Variants in CNTN6 observed in about 807,000 individuals in gnomAD.
CNTN6 encodes contactin 6, also known as contactin-6.
CNTN6 carries 137 observed loss-of-function variants against 122.8 expected under a neutral mutation model. That is an observed-to-expected ratio of 1.12 (90% CI 0.97 to 1.29). CNTN6 has a LOEUF of 1.29. CNTN6 is among the 50% of genes most tolerant of loss of function. The pLI is 0.00. For missense variants in CNTN6, 1,634 were observed against 1,223.4 expected, an observed-to-expected ratio of 1.34 and a Z score of -5.01; for synonymous variants, 570 against 426.0, an observed-to-expected ratio of 1.34 and a Z score of -4.16.
chr3:1,313,959 CT>C (rs1699754350), intron 7 of CNTN6, among the ~76,000 whole-genome samples: 1 of 152,006 alleles, frequency 6.6e-6, no homozygotes, highest in African/African-American at 2.4e-5. Flanking sequence ...TATGAAGGCT[CT>C]ATCTTCATGT....
chr3:1,101,575 G>T (rs1015563782), intron 1 of CNTN6, among the ~76,000 whole-genome samples: 2 of 151,990 alleles, frequency 1.3e-5, no homozygotes, highest in Non-Finnish European at 2.9e-5. Context: ...GTACTCTTAT[G>T]GTTTCATGGA....
chr3:1,391,310 A>C (rs1694108201), intron 20 of CNTN6, among the ~76,000 whole-genome samples: 1 of 125,120 alleles, frequency 8.0e-6, no homozygotes, highest in Admixed American at 8.2e-5. Flanking sequence ...AAACCACATA[A>C]TTATCTCAAT....
At chr3:1,339,466 C>A (rs1703573704) in intron 11 of CNTN6, among the ~76,000 whole-genome samples, 1 of 152,144 alleles carries the variant, frequency 6.6e-6, no homozygotes, top group Non-Finnish European at 1.5e-5. Flanking sequence ...CTGGGGAAGG[C>A]AGACAAGCCC....
intron 1 of CNTN6, among the ~76,000 whole-genome samples, chr3:1,116,228 G>A (rs1212425925): frequency 1.3e-5 from 2 of 152,120 alleles, no homozygotes; most frequent in Non-Finnish European, 2.9e-5. Context: ...TAGCAGTTTA[G>A]CAGGCCTGGA....
At chr3:1,155,057 C>T (rs1295482998) in intron 2 of CNTN6, among the ~76,000 whole-genome samples, 1 of 152,128 alleles carries the variant, frequency 6.6e-6, no homozygotes, top group East Asian at 1.9e-4. Context: ...CATAGTCTGA[C>T]GTTCCCTTAG....
At chr3:1,369,133 C>T (rs1708631316) in intron 12 of CNTN6, among the ~76,000 whole-genome samples, 1 of 152,174 alleles carries the variant, frequency 6.6e-6, no homozygotes, top group South Asian at 2.1e-4. Flanking sequence ...AATCTAGTTT[C>T]CTCTCTCTAC....
intron 11 of CNTN6, among the ~76,000 whole-genome samples, chr3:1,337,397 C>A (rs1026094358): frequency 8.5e-5 from 13 of 152,082 alleles, no homozygotes; most frequent in Non-Finnish European, 1.5e-4. Context: ...TTTGCCTTTA[C>A]CCCCAAGTGC....
In CNTN6 at chr3:1,288,958, A is replaced by G. The variant is rs1238257819; in HGVS notation, c.455-6643A>G. Among the ~76,000 whole-genome samples, 4 of 152,342 alleles carry G rather than the reference A, an allele frequency of 2.6e-5. No individual in the cohort carries two copies. The East Asian group carries it at 5.8e-4, about 22-fold the overall frequency. ...TAGAGGACGAAGTCATTGTGAAACT[A>G]CAAAAAAATGCTTCAGGAAGGACCA... On this transcript the variant is annotated intron_variant, in intron 5 of 22. Transcript: ENST00000446702.
chr3:1,284,507 G>A (rs192952979), intron 5 of CNTN6, among the ~76,000 whole-genome samples: 22 of 152,186 alleles, frequency 1.4e-4, no homozygotes, highest in East Asian at 1.2e-3. Flanking sequence ...GATAATAACC[G>A]TATTATTGAA....
chr3:1,291,917 A>G (rs1020646848), intron 5 of CNTN6, among the ~76,000 whole-genome samples: 2 of 152,216 alleles, frequency 1.3e-5, no homozygotes, highest in South Asian at 4.1e-4. Flanking sequence ...AGCAAATTGC[A>G]TTTATGCATA....
rs1700889605 is a variant in CNTN6 at position 1,321,775 on chromosome 3, A to G, written c.887A>G (p.Glu296Gly). 5.6e-6 allele frequency: 9 copies of G among 1,611,606 alleles called. No homozygotes were observed. The highest frequency in any genetic ancestry group is 2.2e-5 in the East Asian group (1 of 44,778). ...CAACAAGAAGATGAAGGCTTTTATGAGTGCATTGCAAGCAACCTTCGAGGA... is the reference window on the plus strand; with the variant it reads ...CAACAAGAAGATGAAGGCTTTTATGGGTGCATTGCAAGCAACCTTCGAGGA... ...NFQQEDEGFY[E>G]CIASNLRGRN... The change falls in exon 8 of 23, where the codon GAG becomes GGG. Residue 296 changes from glutamate (E) to glycine (G), a missense_variant. Transcript: ENST00000446702.
intron 4 of CNTN6, among the ~76,000 whole-genome samples, chr3:1,238,101 A>G (rs1193649154): frequency 6.6e-6 from 1 of 152,172 alleles, no homozygotes; most frequent in African/African-American, 2.4e-5. Context: ...ATACTAACAT[A>G]GAAAGTGAAT....
At chr3:1,162,602 T>C (rs2093161905) in intron 2 of CNTN6, among the ~76,000 whole-genome samples, 1 of 152,238 alleles carries the variant, frequency 6.6e-6, no homozygotes, top group Admixed American at 6.5e-5. Context: ...TCTAAGTTCA[T>C]GGCCATACAT....
chr3:1,207,286 A>G (rs918564865), intron 2 of CNTN6, among the ~76,000 whole-genome samples: 3 of 152,044 alleles, frequency 2.0e-5, no homozygotes, highest in Admixed American at 6.6e-5. Flanking sequence ...ATGATTTCCA[A>G]ATTTTTCTCC....
At chr3:1,294,845 G>A (rs1472517281) in intron 5 of CNTN6, among the ~76,000 whole-genome samples, 1 of 152,084 alleles carries the variant, frequency 6.6e-6, no homozygotes, top group African/African-American at 2.4e-5. Flanking sequence ...ATCCTTCATT[G>A]AGATTACTCA....
intron 20 of CNTN6, among the ~76,000 whole-genome samples, chr3:1,396,578 A>G (rs1035362994): frequency 1.3e-5 from 2 of 152,204 alleles, no homozygotes; most frequent in Admixed American, 1.3e-4. Flanking sequence ...AAAGGATATA[A>G]TGTACACCAA....
At chr3:1,105,548 T>C (rs1338336936) in intron 1 of CNTN6, among the ~76,000 whole-genome samples, 1 of 152,192 alleles carries the variant, frequency 6.6e-6, no homozygotes, top group Non-Finnish European at 1.5e-5. Context: ...CAGCCGGTAA[T>C]ACCTGACCTG....
chr3:1,302,878 GT>G (rs1366513223), intron 7 of CNTN6, among the ~76,000 whole-genome samples: 1 of 151,740 alleles, frequency 6.6e-6, no homozygotes, highest in Non-Finnish European at 1.5e-5. Flanking sequence ...TTTAGTATTT[GT>G]TTTACATTAT....
At chr3:1,388,293 CA>C (rs1693461233) in intron 20 of CNTN6, among the ~76,000 whole-genome samples, 4 of 148,062 alleles carry the variant, frequency 2.7e-5, no homozygotes, top group Admixed American at 1.4e-4. Context: ...CACCCCCCAG[CA>C]GGGGCACACT....
Sources: gnomAD v4.1 joint callset for allele counts (sites outside exome capture counted in the v4.1 genomes callset) on GRCh38, gnomAD v4.1.1 for gene constraint, MANE v1.5 for transcripts, NCBI Gene and HGNC (gene_info 2026-07-23, HGNC 2026-07-21) for gene names.